Variants in FHAD1 observed in about 807,000 individuals in gnomAD.
The protein encoded by FHAD1 is forkhead-associated domain-containing protein 1.
A neutral mutation model predicts 191.3 loss-of-function variants in FHAD1; 146 were observed. The observed-to-expected ratio is 0.76, with a 90% CI of 0.67 to 0.88. The LOEUF is 0.88. Among genes scored for constraint, FHAD1 ranks in the 40% least tolerant of loss-of-function variants. The pLI, the probability that FHAD1 is intolerant of heterozygous loss-of-function variation, is 0.00. For missense variants in FHAD1, 1,635 were observed against 1,785.8 expected, an observed-to-expected ratio of 0.92 and a Z score of 1.52; for synonymous variants, 616 against 672.3, an observed-to-expected ratio of 0.92 and a Z score of 1.29.
rs190514718 is a variant in FHAD1, at chr1:15,360,289, C to T, written c.2737-189C>T. ...AGAGGACGTGATGCTGGAGCTGAGC[C>T]CTGAGAGTCAAGAAGGAGTTGGCCA... On this transcript the variant is annotated intron_variant, in intron 21 of 33. Coordinates refer to ENST00000688493, the MANE Select transcript of FHAD1 (RefSeq NM_001391957.1). Among the ~76,000 whole-genome samples, 5 of 152,304 alleles carry T rather than the reference C, an allele frequency of 3.3e-5. No individual in the cohort carries two copies. In the East Asian group the frequency reaches 7.7e-4, roughly 24 times the overall value.
chr1:15,365,976 G>A (rs1158000734), intron 24 of FHAD1, 43 bp downstream of exon 24: 22 of 1,342,516 alleles, frequency 1.6e-5, no homozygotes, highest in East Asian at 1.0e-4. Context: ...TGACCCACTC[G>A]AGAAAGGAAG....
intron 2 of FHAD1, among the ~76,000 whole-genome samples, chr1:15,263,045 A>G (rs1651803045): frequency 6.6e-6 from 1 of 152,174 alleles, no homozygotes; most frequent in Non-Finnish European, 1.5e-5. Context: ...GAATTTCTTA[A>G]TGATTTGTGA....
At chr1:15,355,936 G>GAAA (rs71572151) in intron 20 of FHAD1, among the ~76,000 whole-genome samples, 2,310 of 117,320 alleles carry the variant, frequency 0.02, 77 homozygotes, top group African/African-American at 0.064. Context: ...TAGAAAACTT[G>GAAA]AAAAAAAAAA....
intron 24 of FHAD1, 131 bp from the exon 25 acceptor site, chr1:15,367,332 C>A: frequency 9.5e-7 from 1 of 1,056,024 alleles, no homozygotes; most frequent in Non-Finnish European, 1.3e-6. Context: ...CCTGTCTCTA[C>A]TAAAAATACA....
At chr1:15,387,003 C>G (rs1418547328) in intron 31 of FHAD1, among the ~76,000 whole-genome samples, 1 of 152,024 alleles carries the variant, frequency 6.6e-6, no homozygotes, top group Non-Finnish European at 1.5e-5. Context: ...GCTGGGATTA[C>G]AAGGCACCCA....
intron 32 of FHAD1, among the ~76,000 whole-genome samples, chr1:15,390,293 C>T (rs1029881615): frequency 1.3e-4 from 18 of 143,800 alleles, no homozygotes; most frequent in African/African-American, 1.6e-4. Flanking sequence ...TGCAGTGAGC[C>T]GAGATCGCAC....
In FHAD1 at chr1:15,327,402, C is replaced by G. The variant is rs979820111; in HGVS notation, c.1557+260C>G. The G allele has an allele frequency of 5.1e-6, 2 of 390,638 alleles. No individual in the cohort carries two copies. Among genetic ancestry groups the G allele is most frequent in the Non-Finnish European group, 9.2e-6 (2 of 217,508 alleles). 24.2% of individuals were successfully genotyped at this position (390,638 alleles called of 1,614,324 possible). ...GGCTTACTTCTGGTCTCCAGACATGCATGTTTCGCCTCCATTAGCACTGGG... is the reference window on the plus strand; with the variant it reads ...GGCTTACTTCTGGTCTCCAGACATGGATGTTTCGCCTCCATTAGCACTGGG... On this transcript the variant is annotated intron_variant, in intron 12 of 33. Transcript: ENST00000688493. The surrounding 1 kb of genome is among the most constrained non-coding windows in gnomAD (Gnocchi z 5.1).
At chr1:15,371,965 G>A (rs989845162) in intron 26 of FHAD1, among the ~76,000 whole-genome samples, 5 of 152,216 alleles carry the variant, frequency 3.3e-5, no homozygotes, top group African/African-American at 1.2e-4. Flanking sequence ...ACAGTGCTGG[G>A]CCCTGGGAAT....
rs201389821 is a variant in FHAD1 at position 15,308,640 on chromosome 1, A to C, written c.943A>C (p.Lys315Gln). 593 of 1,551,738 alleles carry C rather than the reference A, an allele frequency of 3.8e-4. 4 individuals are homozygous for C. In the African/African-American group the frequency reaches 6.8e-3, roughly 18 times the overall value. Residue 315 changes from lysine (K) to glutamine (Q), a missense_variant, in exon 7 of 34, where the codon AAG (lysine) becomes CAG (glutamine). Lys to Gln is a moderately conservative substitution (Grantham distance 53, BLOSUM62 1). Coordinates refer to ENST00000688493, the MANE Select transcript of FHAD1 (RefSeq NM_001391957.1). ...CAGTGCCCTACAGAAAGGCTACAGC[A>C]AGGTGCTGTGCCAGACCCTGTCAGA... ...QISALQKGYSKVLCQTLSERN... is the reference protein window; with the variant it reads ...QISALQKGYSQVLCQTLSERN...
At position 15,360,535 on chromosome 1, in the gene FHAD1, G is replaced by A. The variant is rs1159472686; in HGVS notation, c.2794G>A (p.Glu932Lys). Residue 932 changes from glutamate to lysine, a missense_variant, in exon 22 of 34, where the codon GAG becomes AAG. By Grantham distance (56) the Glu-to-Lys change is moderately conservative. Coordinates refer to ENST00000688493, the MANE Select transcript of FHAD1 (RefSeq NM_001391957.1). ...QQKMVKALQD[E>K]QESQRHGFEE... The stretch of plus-strand genomic sequence containing the variant: ...GAAGATGGTAAAGGCCCTCCAGGAT[G>A]AGCAGGAATCACAGAGACACGGGTT... 13 of 1,551,856 alleles carry A rather than the reference G, an allele frequency of 8.4e-6. No homozygotes were observed. The East Asian group carries it at 2.7e-4, about 32-fold the overall frequency.
chr1:15,247,112 A>G (rs1308395564), upstream of FHAD1, among the ~76,000 whole-genome samples: 2 of 152,190 alleles, frequency 1.3e-5, no homozygotes, highest in Non-Finnish European at 2.9e-5. Flanking sequence ...TGGGGCCTGG[A>G]GCATTCAGCA....
At chr1:15,359,909 C>T (rs1694161533) in intron 21 of FHAD1, among the ~76,000 whole-genome samples, 2 of 151,914 alleles carry the variant, frequency 1.3e-5, no homozygotes, top group Admixed American at 6.6e-5. Flanking sequence ...GAGATCGCGC[C>T]ACTGCACTCC....
At chr1:15,339,373 G>A in intron 14 of FHAD1, 108 bp from the exon 15 acceptor site, 2 of 429,282 alleles carry the variant, frequency 4.7e-6, no homozygotes, top group East Asian at 1.4e-4. Flanking sequence ...CAGGTTGGAT[G>A]GCAGCTCACG....
intron 14 of FHAD1, among the ~76,000 whole-genome samples, chr1:15,332,729 C>T (rs1177275029): frequency 6.6e-6 from 1 of 152,112 alleles, no homozygotes; most frequent in Non-Finnish European, 1.5e-5. Flanking sequence ...AATAAATAAA[C>T]ACGGATTGTA....
intron 15 of FHAD1, among the ~76,000 whole-genome samples, chr1:15,340,783 T>C (rs531112222): frequency 1.3e-5 from 2 of 152,268 alleles, no homozygotes; most frequent in African/African-American, 4.8e-5. Context: ...TATTTTATGC[T>C]TTGCAGACCA....
chr1:15,380,193 C>CTGCTTCT (rs1240222332), intron 28 of FHAD1, among the ~76,000 whole-genome samples: 1 of 152,216 alleles, frequency 6.6e-6, no homozygotes, highest in Non-Finnish European at 1.5e-5. Context: ...AACACCATCC[C>CTGCTTCT]TGCTTCTATG....
rs142577018 is a variant in FHAD1 at position 15,383,857 on chromosome 1, G to A, written c.4188+1664G>A. On this transcript the variant is annotated intron_variant, in intron 31 of 33. Coordinates refer to ENST00000688493, the MANE Select transcript of FHAD1 (RefSeq NM_001391957.1). ...TAAGAGGCGCCCAAGTGCACACAGC[G>A]GCTGGTAAGGACAGCTGGGACCTGA... 68 of 446,750 alleles carry A rather than the reference G, an allele frequency of 1.5e-4. 4 individuals are homozygous for A. The highest frequency in any genetic ancestry group is 8.6e-4 in the South Asian group (53 of 61,774). The allele number at this position is 446,750 out of a possible 1,614,324, so 27.7% of individuals were successfully genotyped here.
At chr1:15,350,986 G>A (rs1201075913) in intron 19 of FHAD1, among the ~76,000 whole-genome samples, 2 of 152,202 alleles carry the variant, frequency 1.3e-5, no homozygotes, top group East Asian at 1.9e-4. Flanking sequence ...CCAGGGATGG[G>A]GTCCTGAAGC....
rs1700876503 is a variant in FHAD1, at chr1:15,381,451, G to A, written c.4022G>A (p.Arg1341Lys). Residue 1341 changes from arginine to lysine, a missense_variant and splice_region_variant, in exon 30 of 34, where the codon AGG (arginine) becomes AAG (lysine). By Grantham distance (26) the Arg-to-Lys change is conservative. Transcript: ENST00000688493. This position sits in a 1 kb window ranked among gnomAD's most constrained non-coding sequence, Gnocchi z 4.6. ...TATGAAAAGGACGTTGAACAGCTCA[G>A]GTACCTCGGCACCCCCATGTCCCCA... ...RGYEKDVEQL[R>K]RSKVSIEMYQ... is the part of the protein sequence containing the mutation. The A allele has an allele frequency of 6.5e-7, 1 of 1,550,192 alleles. No individual in the cohort carries two copies. Among genetic ancestry groups the A allele is most frequent in the Admixed American group, 2.0e-5 (1 of 50,980 alleles).
Sources: allele counts gnomAD v4.1 joint callset (sites outside exome capture counted in the v4.1 genomes callset), GRCh38; gene constraint gnomAD v4.1.1; non-coding constraint Gnocchi (gnomAD v3.1); transcripts MANE v1.5; gene names NCBI Gene and HGNC (gene_info 2026-07-23, HGNC 2026-07-21).